The following RBMS1 variants were observed in gnomAD, a reference collection of about 807,000 sequenced individuals.
The protein encoded by RBMS1 is RNA-binding motif, single-stranded-interacting protein 1.
RBMS1 carries 17 observed loss-of-function variants against 62.3 expected under a neutral mutation model. The ratio of observed to expected loss-of-function variants is 0.27; its 90% CI spans 0.19 to 0.41. The LOEUF is 0.41. Among genes scored for constraint, RBMS1 ranks in the 10% least tolerant of loss-of-function variants. The probability of loss-of-function intolerance (pLI) is 1.00; values close to 1 mark genes in which losing one functional copy is unlikely to be tolerated. For missense variants in RBMS1, 334 were observed against 504.5 expected, an observed-to-expected ratio of 0.66 and a Z score of 3.24; for synonymous variants, 172 against 170.0, an observed-to-expected ratio of 1.01 and a Z score of -0.09.
intron 1 of RBMS1, among the ~76,000 whole-genome samples, chr2:160,456,507 A>T (rs983519947): frequency 1.3e-5 from 2 of 152,204 alleles, no homozygotes; most frequent in African/African-American, 4.8e-5. Context: ...TCTAAGCCAT[A>T]TTGTAAATTT....
intron 2 of RBMS1, among the ~76,000 whole-genome samples, chr2:160,322,715 C>A (rs534981299): frequency 6.6e-6 from 1 of 152,164 alleles, no homozygotes. Flanking sequence ...CTCAATTATA[C>A]CACTTCCAGC....
Position 160,318,119 on chromosome 2 carries a change from T to C in RBMS1, c.310+50A>G, listed in dbSNP as rs1198121823. 4 of 1,566,706 alleles carry C rather than the reference T, an allele frequency of 2.6e-6. No homozygotes were observed. The East Asian group carries it at 6.9e-5, about 27-fold the overall frequency. ...ACCAAAGATCAGGTTTTAAATTCCA[T>C]CATTTTTCTAAAGCTATCATTTACC... On this transcript the variant is annotated intron_variant, in intron 3 of 13. Coordinates refer to ENST00000348849, the MANE Select transcript of RBMS1 (RefSeq NM_016836.4).
At chr2:160,448,324 A>G (rs1683758969) in intron 1 of RBMS1, among the ~76,000 whole-genome samples, 2 of 109,140 alleles carry the variant, frequency 1.8e-5, no homozygotes, top group Admixed American at 2.8e-4. Flanking sequence ...CCCTCTTTGC[A>G]CGGTCTCCCT....
chr2:160,435,320 A>G (rs1683067033), intron 1 of RBMS1, among the ~76,000 whole-genome samples: 1 of 151,890 alleles, frequency 6.6e-6, no homozygotes, highest in Non-Finnish European at 1.5e-5. Flanking sequence ...TGTGGTCCCG[A>G]ATACTTTTAT....
intron 2 of RBMS1, among the ~76,000 whole-genome samples, chr2:160,333,767 C>G (rs563106143): frequency 6.6e-6 from 1 of 152,218 alleles, no homozygotes; most frequent in Non-Finnish European, 1.5e-5. Context: ...AATCAAATTT[C>G]CTTCTAGTGG....
chr2:160,294,584 T>C (rs1688842359), intron 6 of RBMS1, among the ~76,000 whole-genome samples: 1 of 152,208 alleles, frequency 6.6e-6, no homozygotes, highest in Non-Finnish European at 1.5e-5. Context: ...ATTGTTCAGT[T>C]TGTTCATTTT....
chr2:160,371,064 T>C (rs1241249483), intron 1 of RBMS1, among the ~76,000 whole-genome samples: 1 of 152,244 alleles, frequency 6.6e-6, no homozygotes. Flanking sequence ...GTCAACATTT[T>C]AGGATGACGT....
chr2:160,280,462 A>C (rs1688045781), intron 10 of RBMS1, among the ~76,000 whole-genome samples: 1 of 152,246 alleles, frequency 6.6e-6, no homozygotes, highest in South Asian at 2.1e-4. Context: ...ACATGGTCTT[A>C]CATCGCAGTA....
intron 6 of RBMS1, among the ~76,000 whole-genome samples, chr2:160,288,816 G>A (rs1688538025): frequency 6.6e-6 from 1 of 152,160 alleles, no homozygotes; most frequent in Non-Finnish European, 1.5e-5. Flanking sequence ...GTCCTAGACT[G>A]AAATTTAACC....
intron 9 of RBMS1, 51 bp from the exon 10 acceptor site, chr2:160,281,415 A>C: frequency 7.0e-7 from 1 of 1,423,022 alleles, no homozygotes. Flanking sequence ...TGTAAAGCTT[A>C]CCTATTTCTT....
intron 6 of RBMS1, among the ~76,000 whole-genome samples, chr2:160,299,654 C>A (rs1189782159): frequency 1.3e-5 from 2 of 152,144 alleles, no homozygotes; most frequent in Admixed American, 6.6e-5. Flanking sequence ...AGAAAGGGGA[C>A]TGATAAGACT....
chr2:160,342,678 G>A (rs1271503829), intron 2 of RBMS1, among the ~76,000 whole-genome samples: 1 of 151,852 alleles, frequency 6.6e-6, no homozygotes, highest in African/African-American at 2.4e-5. Context: ...CACTTAGGGA[G>A]GCCGAGGTGG....
chr2:160,412,901 G>A (rs59149457), intron 1 of RBMS1, among the ~76,000 whole-genome samples: 3,783 of 152,226 alleles, frequency 0.025, 156 homozygotes, highest in African/African-American at 0.082. Flanking sequence ...AAGGTGAGGC[G>A]TCCTAGAGGA....
chr2:160,306,766 G>C (rs1474018446), intron 4 of RBMS1, among the ~76,000 whole-genome samples: 1 of 148,106 alleles, frequency 6.8e-6, no homozygotes, highest in African/African-American at 2.5e-5. Context: ...TTTAGTTGTT[G>C]TCTATGCATT....
At chr2:160,406,518 T>C (rs1240581709) in intron 1 of RBMS1, among the ~76,000 whole-genome samples, 1 of 152,212 alleles carries the variant, frequency 6.6e-6, no homozygotes, top group Non-Finnish European at 1.5e-5. Flanking sequence ...AGAGATTTAT[T>C]ATGGAGGAAA....
At chr2:160,367,558 C>G in intron 1 of RBMS1, 167 bp from the exon 2 acceptor site, 4 of 1,245,234 alleles carry the variant, frequency 3.2e-6, no homozygotes, top group Non-Finnish European at 4.2e-6. Context: ...AAAAAGCCCT[C>G]TCCTTCAACA....
chr2:160,443,523 C>T (rs1389423786), intron 1 of RBMS1, among the ~76,000 whole-genome samples: 1 of 151,982 alleles, frequency 6.6e-6, no homozygotes, highest in African/African-American at 2.4e-5. Flanking sequence ...GAGTTCACAC[C>T]GAGATCTGGT....
chr2:160,418,107 C>T lies in RBMS1; in HGVS notation c.76-50716G>A, dbSNP rs116709523. ...AGATGAAAGGGAGATGAACCTAAATCTATAGATATTTATCAGACTTTGCCA... is the reference window on the plus strand; with the variant it reads ...AGATGAAAGGGAGATGAACCTAAATTTATAGATATTTATCAGACTTTGCCA... On this transcript the variant is annotated intron_variant, in intron 1 of 13. Coordinates refer to ENST00000348849, the MANE Select transcript of RBMS1 (RefSeq NM_016836.4). 5.6e-3 allele frequency among the ~76,000 whole-genome samples: 847 copies of T among 152,306 alleles called. 11 individuals are homozygous for T. The highest frequency in any genetic ancestry group is 0.02 in the African/African-American group (816 of 41,562).
At chr2:160,450,401 G>A (rs748707576) in intron 1 of RBMS1, among the ~76,000 whole-genome samples, 8 of 151,922 alleles carry the variant, frequency 5.3e-5, no homozygotes, top group Admixed American at 2.6e-4. Flanking sequence ...TTAGCCGGGC[G>A]TGATGAAAGG....
Sources: gnomAD v4.1 joint callset for allele counts (sites outside exome capture counted in the v4.1 genomes callset) on GRCh38, gnomAD v4.1.1 for gene constraint, MANE v1.5 for transcripts, NCBI Gene and HGNC (gene_info 2026-07-23, HGNC 2026-07-21) for gene names.